Variants in EPHA5 observed in about 807,000 individuals in gnomAD.
EPHA5 encodes ephrin type-A receptor 5.
A neutral mutation model predicts 105.0 loss-of-function variants in EPHA5; 60 were observed. The ratio of observed to expected loss-of-function variants is 0.57; its 90% CI spans 0.46 to 0.71. The LOEUF (loss-of-function observed/expected upper bound fraction) is 0.71. Ranked by LOEUF, EPHA5 falls within the 30% of genes least tolerant of loss-of-function variation. The probability of loss-of-function intolerance (pLI) is 0.00; values close to 1 mark genes in which losing one functional copy is unlikely to be tolerated. For synonymous variants in EPHA5, 513 were observed against 449.1 expected, an observed-to-expected ratio of 1.14 and a Z score of -1.80; for missense variants, 1,218 against 1,274.7, an observed-to-expected ratio of 0.96 and a Z score of 0.68.
At chr4:65,663,636 G>T (rs140887394) in intron 1 of EPHA5, among the ~76,000 whole-genome samples, 311 of 151,830 alleles carry the variant, frequency 2.0e-3, no homozygotes, top group Middle Eastern at 6.8e-3. Context: ...GTTTAAATGC[G>T]ATTTTTAAAA....
At chr4:65,430,374 C>A (rs1263977775) in intron 5 of EPHA5, among the ~76,000 whole-genome samples, 1 of 151,670 alleles carries the variant, frequency 6.6e-6, no homozygotes. Flanking sequence ...TTGAAAAAAA[C>A]TCAATTATTA....
intron 8 of EPHA5, among the ~76,000 whole-genome samples, chr4:65,397,920 C>T (rs1721408523): frequency 6.6e-6 from 1 of 152,136 alleles, no homozygotes; most frequent in South Asian, 2.1e-4. Flanking sequence ...GCAGTGGTGG[C>T]CTGTCTGGAG....
chr4:65,347,955 T>A (rs1206831301), intron 14 of EPHA5, 99 bp downstream of exon 14: 1 of 1,233,096 alleles, frequency 8.1e-7, no homozygotes, highest in Non-Finnish European at 1.1e-6. Flanking sequence ...TTTCATTTTC[T>A]TAAGCAACTG....
At chr4:65,428,883 A>C (rs767184551) in intron 5 of EPHA5, among the ~76,000 whole-genome samples, 10 of 152,076 alleles carry the variant, frequency 6.6e-5, no homozygotes, top group Non-Finnish European at 1.3e-4. Flanking sequence ...ATAGAAAACT[A>C]TATCACTGGC....
intron 2 of EPHA5, among the ~76,000 whole-genome samples, chr4:65,637,654 A>G (rs184082887): frequency 1.3e-5 from 2 of 149,128 alleles, no homozygotes; most frequent in East Asian, 3.9e-4. Context: ...TAGCATTAAC[A>G]TAGAAATGCA....
chr4:65,665,708 GA>G (rs1432430896), intron 1 of EPHA5, among the ~76,000 whole-genome samples: 40 of 152,196 alleles, frequency 2.6e-4, no homozygotes, highest in African/African-American at 9.6e-4. Flanking sequence ...TGTCTTATAT[GA>G]GTAAATGAAA....
At chr4:65,337,753 T>C (rs1423174520) in intron 14 of EPHA5, among the ~76,000 whole-genome samples, 11 of 152,022 alleles carry the variant, frequency 7.2e-5, no homozygotes, top group Admixed American at 7.2e-4. Context: ...ACTGATAATA[T>C]AAAGGTAAGG....
intron 3 of EPHA5, among the ~76,000 whole-genome samples, chr4:65,580,616 T>C (rs562793869): frequency 2.0e-5 from 3 of 151,588 alleles, no homozygotes; most frequent in Admixed American, 6.6e-5. Flanking sequence ...TCAAATAAAA[T>C]AAAATAAAAT....
chr4:65,560,387 A>G (rs1220459452), intron 3 of EPHA5, among the ~76,000 whole-genome samples: 2 of 152,082 alleles, frequency 1.3e-5, no homozygotes, highest in Non-Finnish European at 2.9e-5. Context: ...GTCCCGTATC[A>G]CAACTTAATT....
Position 65,670,142 on chromosome 4 carries a change from G to C in EPHA5, c.-400C>G, listed in dbSNP as rs898982600. ...TCAGTGTTGAAATGGACGAAGGTAAGGAAGGCAAATCATTTTAAGACGAAA... is the reference window on the plus strand; with the variant it reads ...TCAGTGTTGAAATGGACGAAGGTAACGAAGGCAAATCATTTTAAGACGAAA... On this transcript the variant is annotated 5_prime_UTR_variant, in exon 1 of 17. Transcript: ENST00000613740. 3.7e-6 allele frequency: 1 copy of C among 267,136 alleles called. No homozygotes were observed. Among genetic ancestry groups the C allele is most frequent in the Non-Finnish European group, 7.0e-6 (1 of 142,166 alleles). 16.5% of individuals were successfully genotyped at this position (267,136 alleles called of 1,614,324 possible).
intron 5 of EPHA5, among the ~76,000 whole-genome samples, chr4:65,445,973 C>G (rs535959497): frequency 2.6e-5 from 4 of 152,230 alleles, no homozygotes; most frequent in Non-Finnish European, 4.4e-5. Flanking sequence ...TCTGGGCCAC[C>G]ACTATCTCTC....
At chr4:65,603,861 T>A (rs1743972859) in intron 2 of EPHA5, among the ~76,000 whole-genome samples, 1 of 152,118 alleles carries the variant, frequency 6.6e-6, no homozygotes, top group Admixed American at 6.6e-5. Flanking sequence ...CAGCACTCCA[T>A]AATTAAACTA....
intron 8 of EPHA5, among the ~76,000 whole-genome samples, chr4:65,385,898 G>A (rs1314568652): frequency 4.0e-5 from 6 of 151,532 alleles, no homozygotes; most frequent in East Asian, 1.9e-4. Context: ...TTAATAGAAC[G>A]GCTTTCATAG....
chr4:65,440,513 C>G (rs961535617), intron 5 of EPHA5, among the ~76,000 whole-genome samples: 1 of 151,260 alleles, frequency 6.6e-6, no homozygotes, highest in African/African-American at 2.4e-5. Context: ...CACACACACA[C>G]ACACACACAC....
intron 5 of EPHA5, among the ~76,000 whole-genome samples, chr4:65,430,494 T>C (rs78179405): frequency 0.25 from 38,413 of 151,952 alleles, 6,023 homozygotes; most frequent in Middle Eastern, 0.38. Context: ...CTACTGTAAT[T>C]GCTGTACCAT....
chr4:65,468,268 T>C (rs1174564231), intron 5 of EPHA5, among the ~76,000 whole-genome samples: 1 of 151,810 alleles, frequency 6.6e-6, no homozygotes, highest in Non-Finnish European at 1.5e-5. Flanking sequence ...ATGGTTATTG[T>C]TTTAGGTCAC....
intron 5 of EPHA5, among the ~76,000 whole-genome samples, chr4:65,470,625 G>C (rs1373361124): frequency 2.6e-5 from 4 of 152,098 alleles, no homozygotes; most frequent in African/African-American, 9.7e-5. Context: ...TTCTTTAAAG[G>C]CGATAAAGTA....
chr4:65,640,955 C>A (rs975510915), intron 2 of EPHA5, among the ~76,000 whole-genome samples: 1 of 152,126 alleles, frequency 6.6e-6, no homozygotes, highest in Non-Finnish European at 1.5e-5. Context: ...TTGTTTGTCC[C>A]AAATTTTATC....
intron 16 of EPHA5, among the ~76,000 whole-genome samples, chr4:65,327,051 G>A (rs1720145183): frequency 1.3e-5 from 2 of 151,064 alleles, no homozygotes; most frequent in African/African-American, 4.8e-5. Context: ...TGTTATATTA[G>A]AGAAAAATAT....
Sources: allele counts gnomAD v4.1 joint callset (sites outside exome capture counted in the v4.1 genomes callset), GRCh38; gene constraint gnomAD v4.1.1; transcripts MANE v1.5; gene names NCBI Gene and HGNC (gene_info 2026-07-23, HGNC 2026-07-21).